Variants in DPPA4 observed in about 807,000 individuals in gnomAD.
The protein encoded by DPPA4 is developmental pluripotency associated 4.
Under a neutral mutation model 33.7 loss-of-function variants are expected in DPPA4, and 22 were observed. That is an observed-to-expected ratio of 0.65 (90% confidence interval 0.47 to 0.93). DPPA4 has a LOEUF of 0.93. Among genes scored for constraint, DPPA4 ranks in the 40% least tolerant of loss-of-function variants. The pLI is 0.00. For synonymous variants in DPPA4, 156 were observed against 132.3 expected (o/e 1.18, Z -1.23); for missense variants, 340 against 358.6 (o/e 0.95, Z 0.42).
At chr3:109,331,215 T>TTGCAGCCTGAAC (rs1381873818) in intron 4 of DPPA4, among the ~76,000 whole-genome samples, 1 of 124,358 alleles carries the variant, frequency 8.0e-6, no homozygotes, top group African/African-American at 3.1e-5. Context: ...GAGGCAGAGG[T>TTGCAGCCTGAAC]TGCAGCCTGA....
intron 2 of DPPA4, 129 bp downstream of exon 2, chr3:109,333,741 G>C (rs1269311341): frequency 9.0e-7 from 1 of 1,106,888 alleles, no homozygotes; most frequent in Non-Finnish European, 1.3e-6. Context: ...TTTAAGCTTG[G>C]CTTCCATGAA....
chr3:109,331,203 G>C (rs1415663956), intron 4 of DPPA4, among the ~76,000 whole-genome samples: 2 of 134,624 alleles, frequency 1.5e-5, no homozygotes, highest in African/African-American at 5.6e-5. Context: ...ACTTGAACCA[G>C]GGAGGCAGAG....
chr3:109,328,306 G>A (rs1707980460), intron 6 of DPPA4, among the ~76,000 whole-genome samples: 1 of 152,134 alleles, frequency 6.6e-6, no homozygotes, highest in South Asian at 2.1e-4. Flanking sequence ...ACTACCCAAA[G>A]TGACCTCCTC....
intron 1 of DPPA4, among the ~76,000 whole-genome samples, chr3:109,336,104 G>A (rs1708190217): frequency 6.6e-6 from 1 of 151,156 alleles, no homozygotes; most frequent in Non-Finnish European, 1.5e-5. Flanking sequence ...AGTGAGCCGA[G>A]ATCGGCTACT....
At chr3:109,334,547 G>A (rs1254233777) in intron 1 of DPPA4, among the ~76,000 whole-genome samples, 1 of 151,742 alleles carries the variant, frequency 6.6e-6, no homozygotes, top group Non-Finnish European at 1.5e-5. Context: ...AAAAAAAAGA[G>A]GCCCTTAACT....
intron 1 of DPPA4, among the ~76,000 whole-genome samples, chr3:109,334,621 C>T (rs184533943): frequency 1.2e-4 from 19 of 152,132 alleles, no homozygotes; most frequent in East Asian, 7.7e-4. Context: ...TCATTCTTGA[C>T]GCCTTCCAAA....
At chr3:109,332,197 GT>G (rs936273867) in intron 2 of DPPA4, 166 bp from the exon 3 acceptor site, 5 of 493,200 alleles carry the variant, frequency 1.0e-5, no homozygotes, top group African/African-American at 9.6e-5. Context: ...CGCCTCGTGG[GT>G]TCAAGTGATT....
intron 1 of DPPA4, among the ~76,000 whole-genome samples, chr3:109,334,388 T>A (rs141417938): frequency 1.3e-5 from 2 of 151,964 alleles, no homozygotes; most frequent in Non-Finnish European, 2.9e-5. Context: ...TGCCTCTACA[T>A]AAGGAAACAA....
chr3:109,338,006 C>T (rs1400511408), upstream of DPPA4, among the ~76,000 whole-genome samples: 2 of 152,200 alleles, frequency 1.3e-5, no homozygotes, highest in Non-Finnish European at 2.9e-5. Flanking sequence ...AACTAAAACT[C>T]CAGGTTTCTC....
At chr3:109,338,058 T>C (rs1214928562), upstream of DPPA4, among the ~76,000 whole-genome samples, 3 of 152,184 alleles carry the variant, frequency 2.0e-5, no homozygotes, top group Admixed American at 2.0e-4. Context: ...AACGAACTAA[T>C]AATAGTAGCT....
intron 1 of DPPA4, among the ~76,000 whole-genome samples, chr3:109,337,062 G>A (rs1462029487): frequency 1.3e-5 from 2 of 151,924 alleles, no homozygotes; most frequent in East Asian, 3.9e-4. Flanking sequence ...CACCACACCT[G>A]GCTAATTTTG....
At chr3:109,328,077 A>G in intron 6 of DPPA4, 53 bp from the exon 7 acceptor site, 1 of 1,195,624 alleles carries the variant, frequency 8.4e-7, no homozygotes, top group Non-Finnish European at 1.2e-6. Context: ...AATATTAAAA[A>G]TAGCCAAGAA....
chr3:109,328,497 C>A (rs1041473937), intron 6 of DPPA4, among the ~76,000 whole-genome samples: 13 of 152,176 alleles, frequency 8.5e-5, no homozygotes, highest in Non-Finnish European at 8.8e-5. Flanking sequence ...GTCGATTCTT[C>A]CCTTAACTTA....
upstream of DPPA4, among the ~76,000 whole-genome samples, chr3:109,338,248 CAA>C (rs1374816057): frequency 5.9e-5 from 9 of 152,114 alleles, no homozygotes; most frequent in East Asian, 1.7e-3. Flanking sequence ...TTTTATATCT[CAA>C]ATTGTGAGTT....
chr3:109,338,745 G>T (rs1409835304), upstream of DPPA4, among the ~76,000 whole-genome samples: 7 of 152,176 alleles, frequency 4.6e-5, no homozygotes, highest in African/African-American at 7.2e-5. Context: ...GTGAGTTGAG[G>T]TCATCTGGGA....
At chr3:109,331,568 G>C (rs879026944) in intron 4 of DPPA4, among the ~76,000 whole-genome samples, 166 bp downstream of exon 4, 1 of 118,526 alleles carries the variant, frequency 8.4e-6, no homozygotes, top group Admixed American at 8.7e-5. Context: ...AAAAAAAAAA[G>C]AAAGAAAGAA....
upstream of DPPA4, among the ~76,000 whole-genome samples, chr3:109,337,839 A>C (rs73210837): frequency 5.6e-4 from 85 of 152,308 alleles, no homozygotes; most frequent in Non-Finnish European, 1.1e-3. Flanking sequence ...AAAACAAAAA[A>C]CAAAAAAACA....
intron 3 of DPPA4, 21 bp from the exon 4 acceptor site, chr3:109,331,805 G>A (rs958454027): frequency 1.2e-6 from 2 of 1,613,508 alleles, no homozygotes; most frequent in Non-Finnish European, 1.7e-6. Flanking sequence ...AGAAAACTGA[G>A]TTAGTAAGGC....
intron 5 of DPPA4, chr3:109,329,919 C>T: frequency 6.5e-6 from 1 of 153,864 alleles, no homozygotes; most frequent in Admixed American, 6.4e-5. Flanking sequence ...CTGCTATCCC[C>T]TTCTGATGCC....
Sources: gnomAD v4.1 joint callset for allele counts (sites outside exome capture counted in the v4.1 genomes callset) on GRCh38, gnomAD v4.1.1 for gene constraint, MANE v1.5 for transcripts, NCBI Gene and HGNC (gene_info 2026-07-23, HGNC 2026-07-21) for gene names.